CLSTN2: variants seen among roughly 807,000 people sequenced by gnomAD.
CLSTN2 encodes calsyntenin-2.
In CLSTN2, 48 loss-of-function variants were observed where a neutral mutation model predicts 101.2. The observed-to-expected ratio is 0.47, with a 90% CI of 0.38 to 0.60. The LOEUF is 0.60. Among genes scored for constraint, CLSTN2 ranks in the 20% least tolerant of loss-of-function variants. The pLI is 0.00. For synonymous variants in CLSTN2, 481 were observed against 463.6 expected, an observed-to-expected ratio of 1.04 and a Z score of -0.48; for missense variants, 1,160 against 1,238.2, an observed-to-expected ratio of 0.94 and a Z score of 0.95.
intron 1 of CLSTN2, among the ~76,000 whole-genome samples, chr3:139,941,577 C>T (rs1935131082): frequency 6.6e-6 from 1 of 152,162 alleles, no homozygotes; most frequent in South Asian, 2.1e-4. Flanking sequence ...TTGTGCATCA[C>T]AGACCCCCCG....
chr3:140,538,828 T>C (rs1335151566), intron 9 of CLSTN2, among the ~76,000 whole-genome samples: 1 of 152,158 alleles, frequency 6.6e-6, no homozygotes, highest in Non-Finnish European at 1.5e-5. Context: ...AGGATACCCT[T>C]TCACAAAAAG....
At chr3:140,478,702 C>T (rs1934042701) in intron 8 of CLSTN2, among the ~76,000 whole-genome samples, 1 of 151,430 alleles carries the variant, frequency 6.6e-6, no homozygotes, top group African/African-American at 2.4e-5. Flanking sequence ...CTGAATTATA[C>T]ACTTACAACG....
chr3:140,302,872 A>G (rs1238690230), intron 2 of CLSTN2, among the ~76,000 whole-genome samples: 1 of 152,128 alleles, frequency 6.6e-6, no homozygotes, highest in East Asian at 1.9e-4. Flanking sequence ...GTGGGCTCAG[A>G]TTTCCAAATG....
At chr3:140,025,969 A>G (rs1223457965) in intron 1 of CLSTN2, among the ~76,000 whole-genome samples, 1 of 152,144 alleles carries the variant, frequency 6.6e-6, no homozygotes, top group Non-Finnish European at 1.5e-5. Flanking sequence ...CTGATAGTGA[A>G]GGTGATCCCT....
In CLSTN2 at chr3:140,139,897, C is replaced by T. The variant is rs143824880; in HGVS notation, c.110-36054C>T. Among the ~76,000 whole-genome samples the T allele has an allele frequency of 4.2e-4, 64 of 152,320 alleles. No homozygotes were observed. The East Asian group carries it at 0.012, about 28-fold the overall frequency. On this transcript the variant is annotated intron_variant, in intron 1 of 16. Coordinates refer to ENST00000458420, the MANE Select transcript of CLSTN2 (RefSeq NM_022131.3). ...CTTGCCTGGACACTGGACACTTCTT[C>T]AGTTCTATATCTGAAACCCAGTGCA... is the stretch of plus-strand genomic sequence containing the variant.
intron 2 of CLSTN2, among the ~76,000 whole-genome samples, chr3:140,237,029 A>G (rs934840475): frequency 6.6e-6 from 1 of 151,730 alleles, no homozygotes; most frequent in Non-Finnish European, 1.5e-5. Context: ...ATCATGAGTC[A>G]TGTTTTCTGG....
chr3:140,427,458 C>T (rs1333583787), intron 5 of CLSTN2, among the ~76,000 whole-genome samples: 1 of 151,658 alleles, frequency 6.6e-6, no homozygotes, highest in Non-Finnish European at 1.5e-5. Context: ...GCTGAAGAGT[C>T]CATTTTAGAG....
chr3:140,232,510 G>A (rs2107861072), intron 2 of CLSTN2, among the ~76,000 whole-genome samples: 1 of 152,012 alleles, frequency 6.6e-6, no homozygotes, highest in Non-Finnish European at 1.5e-5. Flanking sequence ...TCTTATCCCT[G>A]AGATCCCACG....
intron 1 of CLSTN2, among the ~76,000 whole-genome samples, chr3:140,031,704 T>G (rs1190381174): frequency 6.6e-6 from 1 of 152,216 alleles, no homozygotes; most frequent in South Asian, 2.1e-4. Flanking sequence ...TTCAATCTGA[T>G]GCGATGGAGA....
At position 140,124,177 on chromosome 3, in the gene CLSTN2, ACT is replaced by A. The variant is rs2009392421; in HGVS notation, c.110-51771_110-51770del. 2.0e-5 allele frequency among the ~76,000 whole-genome samples: 3 copies of A among 152,202 alleles called. No individual in the cohort carries two copies. In the South Asian group the frequency reaches 6.2e-4, roughly 32 times the overall value. On this transcript the variant is annotated intron_variant, in intron 1 of 16. Transcript: ENST00000458420. Reference sequence around the variant, plus strand: ...AGGGAGAGGAAAAGCACATGCAAAGACTCTGGGTGGAAACTGAGTGTATTGAA... The same window carrying A: ...AGGGAGAGGAAAAGCACATGCAAAGACTGGGTGGAAACTGAGTGTATTGAA...
chr3:140,418,190 G>A (rs1053486141), intron 4 of CLSTN2, among the ~76,000 whole-genome samples: 1 of 151,940 alleles, frequency 6.6e-6, no homozygotes. Flanking sequence ...TTATATTAAA[G>A]TGCTTCCACC....
At chr3:140,541,337 C>T (rs921997886) in intron 9 of CLSTN2, among the ~76,000 whole-genome samples, 1 of 152,210 alleles carries the variant, frequency 6.6e-6, no homozygotes, top group Non-Finnish European at 1.5e-5. Flanking sequence ...TGTTTCAGTT[C>T]AAGTCCCCAG....
chr3:140,377,740 A>G (rs977272377), intron 2 of CLSTN2, among the ~76,000 whole-genome samples: 2 of 152,320 alleles, frequency 1.3e-5, no homozygotes, highest in South Asian at 2.1e-4. Flanking sequence ...AAAGTCCAAA[A>G]GTTATTCACT....
intron 1 of CLSTN2, among the ~76,000 whole-genome samples, chr3:139,985,360 C>T (rs978973006): frequency 3.3e-5 from 5 of 152,090 alleles, no homozygotes; most frequent in Admixed American, 2.0e-4. Context: ...CCAAATAAAG[C>T]GGTGTGAAAC....
At chr3:140,407,355 G>T (rs2088315212) in intron 4 of CLSTN2, among the ~76,000 whole-genome samples, 1 of 152,160 alleles carries the variant, frequency 6.6e-6, no homozygotes, top group African/African-American at 2.4e-5. Flanking sequence ...GTGGGGTAAA[G>T]AATGGCAGCA....
intron 5 of CLSTN2, among the ~76,000 whole-genome samples, chr3:140,443,903 A>G (rs1933019347): frequency 1.3e-5 from 2 of 152,182 alleles, no homozygotes; most frequent in Non-Finnish European, 2.9e-5. Flanking sequence ...CATGACTCGC[A>G]TTTGGCAGAG....
chr3:140,558,605 G>C (rs754478754), intron 11 of CLSTN2, 35 bp from the exon 12 acceptor site: 14 of 1,557,706 alleles, frequency 9.0e-6, no homozygotes, highest in Non-Finnish European at 1.1e-5. Context: ...TTAATTGTTT[G>C]CTCATCAGTG....
chr3:140,313,782 T>A (rs969547772), intron 2 of CLSTN2, among the ~76,000 whole-genome samples: 1 of 152,238 alleles, frequency 6.6e-6, no homozygotes, highest in Non-Finnish European at 1.5e-5. Flanking sequence ...CGCAGTGCAC[T>A]GATCTCCAAA....
intron 2 of CLSTN2, among the ~76,000 whole-genome samples, chr3:140,402,229 T>C (rs2088250576): frequency 6.6e-6 from 1 of 152,182 alleles, no homozygotes; most frequent in South Asian, 2.1e-4. Context: ...TGAATTGGAA[T>C]GTAGAGAGTT....
Sources: allele counts gnomAD v4.1 joint callset (sites outside exome capture counted in the v4.1 genomes callset), GRCh38; gene constraint gnomAD v4.1.1; transcripts MANE v1.5; gene names NCBI Gene and HGNC (gene_info 2026-07-23, HGNC 2026-07-21).